The following COL28A1 variants were observed in gnomAD, a reference collection of about 807,000 sequenced individuals.
COL28A1 encodes collagen alpha-1(XXVIII) chain.
A neutral mutation model predicts 150.2 loss-of-function variants in COL28A1; 161 were observed. That is an observed-to-expected ratio of 1.07 (90% CI 0.94 to 1.22). COL28A1 has a LOEUF of 1.22. Among genes scored for constraint, COL28A1 ranks in the 50% most tolerant of loss-of-function variants. COL28A1 has a pLI of 0.00. For missense variants in COL28A1, 1,617 were observed against 1,388.3 expected (o/e 1.16, Z -2.62); for synonymous variants, 552 against 469.7 (o/e 1.18, Z -2.26).
At chr7:7,500,859 A>T (rs906436517) in intron 11 of COL28A1, among the ~76,000 whole-genome samples, 9 of 152,162 alleles carry the variant, frequency 5.9e-5, no homozygotes, top group Non-Finnish European at 2.9e-5. Context: ...TCGGAAAAGT[A>T]GGGTATCCAA....
At chr7:7,507,680 C>G (rs1391833015) in intron 9 of COL28A1, among the ~76,000 whole-genome samples, 2 of 151,884 alleles carry the variant, frequency 1.3e-5, no homozygotes, top group Non-Finnish European at 2.9e-5. Context: ...TGAGGGAGAA[C>G]ATAGTCTAGT....
At position 7,531,555 on chromosome 7, in the gene COL28A1, C is replaced by A; in HGVS notation, c.474G>T (p.Leu158=). 6.2e-7 allele frequency: 1 copy of A among 1,609,670 alleles called. No individual in the cohort carries two copies. Among genetic ancestry groups the A allele is most frequent in the Non-Finnish European group, 8.5e-7 (1 of 1,176,200 alleles). ...TTGGATGGTCGATGCCATCAGTCAT[C>A]AGCAAAACCACTTTCACACCATCCT... ...GRKDGVKVVL[L]MTDGIDHPKN... Residue 158 remains leucine, a synonymous_variant, in exon 3 of 35, where the codon CTG becomes CTT. Transcript: ENST00000399429.
chr7:7,497,604 T>C (rs1040269067), intron 11 of COL28A1, among the ~76,000 whole-genome samples: 1 of 152,218 alleles, frequency 6.6e-6, no homozygotes, highest in Non-Finnish European at 1.5e-5. Context: ...AAAAATTGTA[T>C]GACTGCAGAC....
chr7:7,444,250 C>T (rs1407399562), intron 19 of COL28A1, among the ~76,000 whole-genome samples, 168 bp downstream of exon 19: 1 of 151,992 alleles, frequency 6.6e-6, no homozygotes, highest in East Asian at 1.9e-4. Context: ...TTGAATAGGC[C>T]ACTCCTTCTC....
chr7:7,529,512 A>T (rs1782225649), intron 3 of COL28A1, among the ~76,000 whole-genome samples: 4 of 152,172 alleles, frequency 2.6e-5, no homozygotes, highest in Admixed American at 6.5e-5. Flanking sequence ...AAGTCGCCGG[A>T]TGCTAAGGAA....
chr7:7,432,683 C>T lies in COL28A1; in HGVS notation c.1878G>A (p.Arg626=), dbSNP rs779799948. 3.7e-6 allele frequency: 6 copies of T among 1,613,802 alleles called. No homozygotes were observed. The Admixed American group carries it at 8.3e-5, about 22-fold the overall frequency. Reference sequence around the variant, plus strand: ...TGAGTCCTGGAGCACCCACTGGTCCCCGAGGGCCTTGGACACCCTGGGTAA... The same window carrying T: ...TGAGTCCTGGAGCACCCACTGGTCCTCGAGGGCCTTGGACACCCTGGGTAA... ...IRGPKGVQGP[R]GPVGAPGLKG... Residue 626 remains arginine, a synonymous_variant, in exon 24 of 35, where the codon CGG becomes CGA. Transcript: ENST00000399429.
chr7:7,497,911 C>T (rs1385301100), intron 11 of COL28A1, among the ~76,000 whole-genome samples: 1 of 152,118 alleles, frequency 6.6e-6, no homozygotes, highest in Admixed American at 6.6e-5. Context: ...ACTATTATGT[C>T]AAATCTCCAA....
At chr7:7,542,612 A>G in the COL28A1 span, among the ~76,000 whole-genome samples, 2 of 152,238 alleles carry the variant, frequency 1.3e-5, no homozygotes, top group Non-Finnish European at 2.9e-5. Context: ...TTGGAAGTGC[A>G]GGAGCAGAGG....
downstream of COL28A1, among the ~76,000 whole-genome samples, chr7:7,354,064 C>G (rs1004171439): frequency 6.6e-6 from 1 of 151,846 alleles, no homozygotes; most frequent in Non-Finnish European, 1.5e-5. Flanking sequence ...TGGTGTCACT[C>G]TGACTGCAAC....
rs751030995 is a variant in COL28A1, at chr7:7,432,654, C to T, written c.1907G>A (p.Gly636Asp). ...TACAGGCACACCAGGATAGCCATCA[C>T]CTTTGAGTCCTGGAGCACCCACTGG... ...RGPVGAPGLK[G>D]DGYPGVPGPR... is the part of the protein sequence containing the mutation. The change falls in exon 24 of 35, where the codon GGT becomes GAT. Residue 636 changes from glycine (G) to aspartate (D), a missense_variant. By Grantham distance (94) the Gly-to-Asp change is moderately conservative (BLOSUM62 -1). Coordinates refer to ENST00000399429, the MANE Select transcript of COL28A1 (RefSeq NM_001037763.3). 1.9e-6 allele frequency: 3 copies of T among 1,614,034 alleles called. No homozygotes were observed. The highest frequency in any genetic ancestry group is 1.3e-5 in the African/African-American group (1 of 74,986).
chr7:7,381,171 C>T (rs1781852340), intron 28 of COL28A1, among the ~76,000 whole-genome samples: 1 of 152,086 alleles, frequency 6.6e-6, no homozygotes, highest in Non-Finnish European at 1.5e-5. Context: ...TATCTGGTAT[C>T]TCCTACATGG....
intron 27 of COL28A1, 99 bp from the exon 28 acceptor site, chr7:7,381,711 A>G (rs1781883589): frequency 1.3e-6 from 1 of 748,326 alleles, no homozygotes; most frequent in African/African-American, 1.8e-5. Flanking sequence ...ACTGCATTAT[A>G]GTATTATCTA....
chr7:7,377,994 G>C (rs1280070167), intron 30 of COL28A1, among the ~76,000 whole-genome samples: 1 of 152,108 alleles, frequency 6.6e-6, no homozygotes, highest in African/African-American at 2.4e-5. Context: ...AGAGGCAGGA[G>C]TGGGATAGGG....
chr7:7,340,406 G>C, the COL28A1 span, among the ~76,000 whole-genome samples: 1 of 151,956 alleles, frequency 6.6e-6, no homozygotes, highest in Admixed American at 6.6e-5. Context: ...GAAATTCTTG[G>C]GACTACTTAA....
chr7:7,407,156 A>T (rs1783535135), intron 27 of COL28A1, among the ~76,000 whole-genome samples: 1 of 152,006 alleles, frequency 6.6e-6, no homozygotes, highest in Non-Finnish European at 1.5e-5. Flanking sequence ...AGATTGAAAA[A>T]ATATATATAA....
intron 27 of COL28A1, among the ~76,000 whole-genome samples, chr7:7,394,837 A>C (rs1782748046): frequency 6.6e-6 from 1 of 152,204 alleles, no homozygotes; most frequent in South Asian, 2.1e-4. Context: ...TAATAGAGGT[A>C]ATTATTTATA....
Position 7,453,475 on chromosome 7 carries a change from G to T in COL28A1, c.1405C>A (p.Gln469Lys). 8.0e-7 allele frequency: 1 copy of T among 1,254,052 alleles called. No homozygotes were observed. Among genetic ancestry groups the T allele is most frequent in the Non-Finnish European group, 1.2e-6 (1 of 856,684 alleles). The allele number at this position is 1,254,052 out of a possible 1,614,324, so 77.7% of individuals were successfully genotyped here. A position where few individuals can be genotyped will look rare whatever the true frequency, so the allele number is the denominator to read the frequency against. The change falls in exon 17 of 35, where the codon CAA (glutamine) becomes AAA (lysine). Residue 469 changes from glutamine (Q) to lysine (K), a missense_variant. Gln to Lys is a moderately conservative substitution (Grantham distance 53, BLOSUM62 1). Coordinates refer to ENST00000399429, the MANE Select transcript of COL28A1 (RefSeq NM_001037763.3). ...GGTAAGCCCTGTCCTGCGGGCCCTT[G>T]TGGACCAGGTGGACCAATAGGACCT... ...IQGPIGPPGP[Q>K]GPAGQGLPGS...
At chr7:7,439,304 C>G (rs1785580176) in intron 21 of COL28A1, among the ~76,000 whole-genome samples, 2 of 152,052 alleles carry the variant, frequency 1.3e-5, no homozygotes, top group Admixed American at 1.3e-4. Context: ...ATGTGCCAGT[C>G]CTTAAATCCA....
At chr7:7,394,054 C>T (rs1782704788) in intron 27 of COL28A1, among the ~76,000 whole-genome samples, 1 of 152,086 alleles carries the variant, frequency 6.6e-6, no homozygotes, top group Admixed American at 6.5e-5. Context: ...AACCCAGGGC[C>T]CTGGTGGCGT....
Sources: gnomAD v4.1 joint callset for allele counts (sites outside exome capture counted in the v4.1 genomes callset) on GRCh38, gnomAD v4.1.1 for gene constraint, MANE v1.5 for transcripts, NCBI Gene and HGNC (gene_info 2026-07-23, HGNC 2026-07-21) for gene names.